The following TENM3 variants were observed in gnomAD, a reference collection of about 807,000 sequenced individuals.
TENM3 encodes the protein teneurin transmembrane protein 3, also known as teneurin-3.
In TENM3, 63 loss-of-function variants were observed where a neutral mutation model predicts 255.1. That is an observed-to-expected ratio of 0.25 (90% CI 0.20 to 0.30). The LOEUF (loss-of-function observed/expected upper bound fraction) is 0.30. Among genes scored for constraint, TENM3 ranks in the 10% least tolerant of loss-of-function variants. TENM3 has a pLI of 1.00. For synonymous variants in TENM3, 1,306 were observed against 1,322.3 expected, an observed-to-expected ratio of 0.99 and a Z score of 0.27; for missense variants, 2,929 against 3,461.1, an observed-to-expected ratio of 0.85 and a Z score of 3.86.
chr4:181,563,063 A>G, the TENM3 span, among the ~76,000 whole-genome samples: 1 of 152,218 alleles, frequency 6.6e-6, no homozygotes, highest in African/African-American at 2.4e-5. Context: ...ACTAGCTGCA[A>G]TGGCACCTGG....
intron 3 of TENM3, among the ~76,000 whole-genome samples, chr4:182,401,446 A>G (rs926593869): frequency 6.6e-6 from 1 of 152,248 alleles, no homozygotes; most frequent in African/African-American, 2.4e-5. Context: ...TAAGATTCTC[A>G]TGAAGCCAGA....
intron 16 of TENM3, 50 bp downstream of exon 16, chr4:182,731,189 T>C (rs1161247091): frequency 6.3e-7 from 1 of 1,577,284 alleles, no homozygotes; most frequent in African/African-American, 1.3e-5. Context: ...CTTCAGATCA[T>C]GTTTTGCCAG....
chr4:181,635,076 TC>T, the TENM3 span, among the ~76,000 whole-genome samples: 1 of 152,182 alleles, frequency 6.6e-6, no homozygotes, highest in Non-Finnish European at 1.5e-5. Flanking sequence ...TTCTTATTTG[TC>T]CCCTTGAGAT....
At chr4:182,423,498 C>A (rs1183359694) in intron 3 of TENM3, among the ~76,000 whole-genome samples, 1 of 152,174 alleles carries the variant, frequency 6.6e-6, no homozygotes, top group South Asian at 2.1e-4. Context: ...GTGCTCACTC[C>A]TGAGACTTTA....
At chr4:182,150,760 G>A (rs1481835603) in intron 1 of TENM3, among the ~76,000 whole-genome samples, 6 of 151,942 alleles carry the variant, frequency 3.9e-5, no homozygotes, top group Admixed American at 3.9e-4. Flanking sequence ...AGTAATATTT[G>A]TTAGAATTCT....
At chr4:181,880,653 T>C in the TENM3 span, among the ~76,000 whole-genome samples, 1 of 152,170 alleles carries the variant, frequency 6.6e-6, no homozygotes, top group Non-Finnish European at 1.5e-5. Context: ...ACTACAATAG[T>C]CCATGGCACT....
At chr4:181,460,678 CT>C in the TENM3 span, among the ~76,000 whole-genome samples, 7 of 136,860 alleles carry the variant, frequency 5.1e-5, no homozygotes, top group South Asian at 2.3e-4. Flanking sequence ...AGCTATAGTT[CT>C]TTTTTTTTTT....
At chr4:182,259,312 T>A (rs1461225473) in intron 1 of TENM3, among the ~76,000 whole-genome samples, 1 of 152,154 alleles carries the variant, frequency 6.6e-6, no homozygotes, top group East Asian at 1.9e-4. Context: ...AAGTCCTTTA[T>A]TATGTATTTA....
At chr4:182,687,464 C>T (rs952373936) in intron 11 of TENM3, among the ~76,000 whole-genome samples, 1 of 151,414 alleles carries the variant, frequency 6.6e-6, no homozygotes, top group Non-Finnish European at 1.5e-5. Context: ...GTGCTCTTTT[C>T]AGTAATTCTA....
intron 3 of TENM3, among the ~76,000 whole-genome samples, chr4:182,474,793 T>C (rs1451672410): frequency 3.3e-5 from 5 of 152,228 alleles, no homozygotes; most frequent in African/African-American, 1.2e-4. Context: ...TCTATCATAA[T>C]TCTATTTTAT....
the TENM3 span, among the ~76,000 whole-genome samples, chr4:181,504,278 G>A: frequency 2.6e-5 from 4 of 152,172 alleles, no homozygotes; most frequent in South Asian, 2.1e-4. Flanking sequence ...GAGCCTCCGC[G>A]TAAGCCACAG....
At chr4:182,578,742 T>C (rs1021859026) in intron 3 of TENM3, among the ~76,000 whole-genome samples, 4 of 152,212 alleles carry the variant, frequency 2.6e-5, no homozygotes, top group African/African-American at 9.7e-5. Flanking sequence ...CTGTGTGGCC[T>C]ACCAAATCAG....
the TENM3 span, among the ~76,000 whole-genome samples, chr4:181,545,145 C>T: frequency 6.6e-6 from 1 of 152,158 alleles, no homozygotes. Flanking sequence ...TTTATGAGAG[C>T]TTTTGGAGCA....
chr4:182,346,959 G>A (rs1388539446), intron 3 of TENM3, 30 bp downstream of exon 3: 2 of 1,451,846 alleles, frequency 1.4e-6, no homozygotes, highest in East Asian at 3.0e-5. Context: ...TTATAATGTT[G>A]GCATTCAGTG....
the TENM3 span, among the ~76,000 whole-genome samples, chr4:181,482,063 C>A: frequency 6.6e-6 from 1 of 151,944 alleles, no homozygotes; most frequent in Non-Finnish European, 1.5e-5. Context: ...AGATCAACTG[C>A]CTTCACATTA....
intron 24 of TENM3, among the ~76,000 whole-genome samples, chr4:182,777,547 CTTTTTTTTTTTTT>C (rs1157448732): frequency 4.4e-5 from 2 of 45,440 alleles, no homozygotes; most frequent in Non-Finnish European, 7.9e-5. Flanking sequence ...GTGTGTATTT[CTTTTTTTTTTTTT>C]TTTTTTTTTT....
chr4:182,228,126 C>T (rs2597159), intron 1 of TENM3, among the ~76,000 whole-genome samples: 199 of 151,954 alleles, frequency 1.3e-3, no homozygotes, highest in African/African-American at 4.4e-3. Context: ...CAAAGTAGCA[C>T]ATATATAGGA....
the TENM3 span, chr4:181,980,483 G>A: frequency 1.5e-4 from 23 of 152,116 alleles, no homozygotes; most frequent in African/African-American, 5.3e-4. Context: ...GGTCAAAAAT[G>A]GCTGAATTAC....
intron 3 of TENM3, among the ~76,000 whole-genome samples, chr4:182,381,310 A>G (rs929450260): frequency 5.9e-5 from 9 of 152,164 alleles, no homozygotes; most frequent in Non-Finnish European, 1.3e-4. Flanking sequence ...CCAGTTAGTT[A>G]TATCTCTGTC....
Sources: gnomAD v4.1 joint callset for allele counts (sites outside exome capture counted in the v4.1 genomes callset) on GRCh38, gnomAD v4.1.1 for gene constraint, MANE v1.5 for transcripts, NCBI Gene and HGNC (gene_info 2026-07-23, HGNC 2026-07-21) for gene names.